The following CLSPN variants were observed in gnomAD, a reference collection of about 807,000 sequenced individuals.
The protein encoded by CLSPN is claspin homolog.
Under a neutral mutation model 156.3 loss-of-function variants are expected in CLSPN, and 85 were observed. The ratio of observed to expected loss-of-function variants is 0.54; its 90% CI spans 0.46 to 0.65. The LOEUF (loss-of-function observed/expected upper bound fraction) is 0.65. CLSPN is among the 30% of genes least tolerant of loss of function. The pLI is 0.00. For missense variants in CLSPN, 1,407 were observed against 1,554.9 expected (o/e 0.90, Z 1.60); for synonymous variants, 534 against 542.4 (o/e 0.98, Z 0.22).
chr1:35,753,810 T>G lies in CLSPN; in HGVS notation c.1706A>C (p.Lys569Thr). The G allele has an allele frequency of 6.2e-7, 1 of 1,614,214 alleles. No homozygotes were observed. Among genetic ancestry groups the G allele is most frequent in the South Asian group, 1.1e-5 (1 of 91,084 alleles). The change falls in exon 9 of 25, where the codon AAA (lysine) becomes ACA (threonine). Residue 569 changes from lysine to threonine, a missense_variant. Transcript: ENST00000318121. The stretch of plus-strand genomic sequence containing the variant: ...TAAAGTCACAGGTACCACATCTGCT[T>G]TTAGCTCTTCCTTTCCATCAGTGCC... Reference protein sequence around the residue: ...DMGTDGKEELKADVVPVTLAP... With the variant: ...DMGTDGKEELTADVVPVTLAP...
chr1:35,745,412 G>A (rs752086458), intron 16 of CLSPN, 39 bp downstream of exon 16: 1 of 1,370,068 alleles, frequency 7.3e-7, no homozygotes, highest in East Asian at 2.3e-5. Flanking sequence ...TTTATCAAAA[G>A]GCCAGGCCTT....
intron 5 of CLSPN, 81 bp from the exon 6 acceptor site, chr1:35,762,151 C>G: frequency 1.8e-6 from 2 of 1,118,346 alleles, no homozygotes; most frequent in South Asian, 2.6e-5. Flanking sequence ...AGAGTTTGCT[C>G]TCTCCAAGAA....
chr1:35,748,321 G>C (rs1187788886), intron 13 of CLSPN, 84 bp downstream of exon 13: 1 of 1,273,904 alleles, frequency 7.8e-7, no homozygotes, highest in Non-Finnish European at 1.1e-6. Flanking sequence ...CAACGTGGTG[G>C]GAGTTGGTTG....
chr1:35,728,458 C>G (rs1459391851), downstream of CLSPN, among the ~76,000 whole-genome samples: 1 of 152,114 alleles, frequency 6.6e-6, no homozygotes, highest in Non-Finnish European at 1.5e-5. Context: ...ACTGGGCTAG[C>G]TCCTTCCCTG....
At chr1:35,758,419 C>G (rs1262109170) in intron 8 of CLSPN, among the ~76,000 whole-genome samples, 5 of 152,036 alleles carry the variant, frequency 3.3e-5, no homozygotes, top group Non-Finnish European at 7.4e-5. Flanking sequence ...CTGAGGCAGG[C>G]AGATCACCTA....
Position 35,734,928 on chromosome 1 carries a change from A to G in CLSPN, c.*1568T>C. 1.0e-6 allele frequency: 1 copy of G among 985,416 alleles called. No homozygotes were observed. The highest frequency in any genetic ancestry group is 4.7e-5 in the South Asian group (1 of 21,286). 61.0% of individuals were successfully genotyped at this position (985,416 alleles called of 1,614,324 possible). On this transcript the variant is annotated 3_prime_UTR_variant, in exon 25 of 25. Coordinates refer to ENST00000318121, the MANE Select transcript of CLSPN (RefSeq NM_022111.4). ...AAAAACATTTGTCTAAAATTCTGAG[A>G]AGCTTGTGGTAGTTCAGGGAAAATG... is the stretch of plus-strand genomic sequence containing the variant.
At chr1:35,728,940 A>G (rs1641253792), downstream of CLSPN, among the ~76,000 whole-genome samples, 1 of 141,344 alleles carries the variant, frequency 7.1e-6, no homozygotes, top group Admixed American at 7.0e-5. Context: ...ACACACACAC[A>G]CACACACACA....
At chr1:35,765,994 C>CT (rs549426437) in intron 1 of CLSPN, among the ~76,000 whole-genome samples, 10 of 106,482 alleles carry the variant, frequency 9.4e-5, no homozygotes, top group African/African-American at 3.7e-4. Context: ...CTCTCTCTCT[C>CT]TTTTTTTTTT....
intron 10 of CLSPN, among the ~76,000 whole-genome samples, 194 bp from the exon 11 acceptor site, chr1:35,750,005 T>TC (rs1437814586): frequency 1.3e-5 from 2 of 151,732 alleles, no homozygotes; most frequent in Non-Finnish European, 2.9e-5. Context: ...TTTCTATTTT[T>TC]TTTTTTTACC....
chr1:35,726,170 A>AAAAAAAAAAAAAAAAAC (rs1641184293), intron 24 of CLSPN, among the ~76,000 whole-genome samples: 2 of 150,496 alleles, frequency 1.3e-5, no homozygotes, highest in Non-Finnish European at 3.0e-5. Context: ...AAAAAAAAAA[A>AAAAAAAAAAAAAAAAAC]AAAAAGCGCA....
chr1:35,764,491 C>G lies in CLSPN; in HGVS notation c.357G>C (p.Leu119Phe), dbSNP rs181792250. ...CTTGCGCTTCAAGATTTTCCTGATA[C>G]AAAGACTTTTCCATGTAACTTTCAT... ...DSDESYMEKS[L>F]YQENLEAQVK... is the part of the protein sequence containing the mutation. The change falls in exon 3 of 25, where the codon TTG becomes TTC. Residue 119 changes from leucine (L) to phenylalanine (F), a missense_variant. By Grantham distance (22) the Leu-to-Phe change is conservative. Around this residue, in one of 3 missense-constraint regions of CLSPN, gnomAD observed 1,096 missense variants for 1,193.0 expected, o/e 0.92. Coordinates refer to ENST00000318121, the MANE Select transcript of CLSPN (RefSeq NM_022111.4). 7 of 1,613,968 alleles carry G rather than the reference C, an allele frequency of 4.3e-6. No homozygotes were observed. The highest frequency in any genetic ancestry group is 5.9e-6 in the Non-Finnish European group (7 of 1,180,014).
Position 35,748,490 on chromosome 1 carries a change from C to T in CLSPN, c.2387G>A (p.Gly796Glu). The T allele has an allele frequency of 6.2e-7, 1 of 1,614,092 alleles. No homozygotes were observed. Among genetic ancestry groups the T allele is most frequent in the South Asian group, 1.1e-5 (1 of 91,088 alleles). ...YQPCNRQTGR[G>E]TSFFPTAGGF... ...TCCTGCTGTAGGGAAAAAACTGGTC[C>T]CACGGCCTGTTTGTCTGTTGCAAGG... The change falls in exon 13 of 25, where the codon GGG becomes GAG. Residue 796 changes from glycine (G) to glutamate (E), a missense_variant. Physicochemically the swap from Gly to Glu is moderately conservative, Grantham distance 98. This residue lies in a region of CLSPN where 1,096 missense variants were observed against 1,193.0 expected (regional missense o/e 0.92). Coordinates refer to ENST00000318121, the MANE Select transcript of CLSPN (RefSeq NM_022111.4).
intron 8 of CLSPN, among the ~76,000 whole-genome samples, chr1:35,755,266 A>ATTT (rs1247342098): frequency 2.2e-5 from 3 of 137,616 alleles, no homozygotes; most frequent in Admixed American, 1.5e-4. Context: ...TATCCAGCTA[A>ATTT]TTTTTTTTTT....
chr1:35,732,282 T>G lies in CLSPN; in HGVS notation c.*4214A>C, dbSNP rs1641336922. On this transcript the variant is annotated 3_prime_UTR_variant, in exon 25 of 25. Coordinates refer to ENST00000318121, the MANE Select transcript of CLSPN (RefSeq NM_022111.4). ...TCCCAGAAATACTCTCCTCTATCCTTAGGAGCACAAATCCCAGGACAGGAT... is the reference window on the plus strand; with the variant it reads ...TCCCAGAAATACTCTCCTCTATCCTGAGGAGCACAAATCCCAGGACAGGAT... 1 of 985,218 alleles carries G rather than the reference T, an allele frequency of 1.0e-6. No individual in the cohort carries two copies. Among genetic ancestry groups the G allele is most frequent in the African/African-American group, 1.7e-5 (1 of 57,202 alleles). The allele number at this position is 985,218 out of a possible 1,614,324, so 61.0% of individuals were successfully genotyped here.
intron 3 of CLSPN, 151 bp downstream of exon 3, chr1:35,764,115 T>G: frequency 1.6e-6 from 1 of 613,650 alleles, no homozygotes; most frequent in Non-Finnish European, 2.8e-6. Flanking sequence ...CAGTTAGTTT[T>G]AAATCACATA....
chr1:35,753,049 A>G (rs1642145815), intron 9 of CLSPN, among the ~76,000 whole-genome samples: 1 of 152,170 alleles, frequency 6.6e-6, no homozygotes, highest in Non-Finnish European at 1.5e-5. Flanking sequence ...CTAAAACACA[A>G]AGCAGAATGC....
intron 12 of CLSPN, among the ~76,000 whole-genome samples, chr1:35,749,129 G>A (rs148782905): frequency 5.1e-4 from 78 of 152,166 alleles, no homozygotes; most frequent in African/African-American, 1.8e-3. Context: ...CTGGCCGAAA[G>A]TTCTCTTCTT....
At chr1:35,737,297 C>T in intron 23 of CLSPN, 42 bp downstream of exon 23, 1 of 1,544,338 alleles carries the variant, frequency 6.5e-7, no homozygotes, top group Non-Finnish European at 9.0e-7. Flanking sequence ...GCCTTTATAA[C>T]CTGTAGACTA....
At chr1:35,730,589 AAAG>A (rs1250166430), downstream of CLSPN, among the ~76,000 whole-genome samples, 7 of 150,494 alleles carry the variant, frequency 4.7e-5, no homozygotes, top group Non-Finnish European at 1.0e-4. Context: ...AAAAAAAAAA[AAAG>A]AACAAGAAAC....
Sources: allele counts gnomAD v4.1 joint callset (sites outside exome capture counted in the v4.1 genomes callset), GRCh38; gene constraint gnomAD v4.1.1; regional missense constraint gnomAD v4.1.1; transcripts MANE v1.5; gene names NCBI Gene and HGNC (gene_info 2026-07-23, HGNC 2026-07-21).